The following MYO6 variants were observed in gnomAD, a reference collection of about 807,000 sequenced individuals.
MYO6 encodes the protein myosin VI.
Under a neutral mutation model 178.7 loss-of-function variants are expected in MYO6, and 74 were observed. The observed-to-expected ratio is 0.41, with a 90% CI of 0.34 to 0.50. The LOEUF (loss-of-function observed/expected upper bound fraction) is 0.50. Ranked by LOEUF, MYO6 falls within the 20% of genes least tolerant of loss-of-function variation. The probability of loss-of-function intolerance (pLI) is 0.09; values close to 1 mark genes in which losing one functional copy is unlikely to be tolerated. For missense variants in MYO6, 1,330 were observed against 1,547.4 expected (o/e 0.86, Z 2.36); for synonymous variants, 477 against 504.6 (o/e 0.95, Z 0.73).
At chr6:75,761,567 A>T (rs1002804002) in intron 1 of MYO6, among the ~76,000 whole-genome samples, 14 of 150,848 alleles carry the variant, frequency 9.3e-5, no homozygotes, top group African/African-American at 3.4e-4. Flanking sequence ...TACTGATGCT[A>T]GTATGTTAGA....
At chr6:75,801,610 G>A (rs1191023026) in intron 1 of MYO6, among the ~76,000 whole-genome samples, 2 of 152,076 alleles carry the variant, frequency 1.3e-5, no homozygotes, top group Non-Finnish European at 2.9e-5. Flanking sequence ...GTTGTGGAGT[G>A]GAGTTGAAAG....
In MYO6 at chr6:75,869,143, G is replaced by A. The variant is rs187599966; in HGVS notation, c.1945-1504G>A. Reference sequence around the variant, plus strand: ...GTGGATGAAGGAGTCTGGACTTTGCGACAGTTATTTTCTTTCCAAATTAGT... The same window carrying A: ...GTGGATGAAGGAGTCTGGACTTTGCAACAGTTATTTTCTTTCCAAATTAGT... On this transcript the variant is annotated intron_variant, in intron 18 of 34. Transcript: ENST00000369977. Among the ~76,000 whole-genome samples, 280 of 136,388 alleles carry A rather than the reference G, an allele frequency of 2.1e-3. 1 individual carries two copies. The highest frequency in any genetic ancestry group is 3.3e-3 in the Non-Finnish European group (216 of 65,508). 89.5% of individuals were successfully genotyped at this position (136,388 alleles called of 152,430 possible).
chr6:75,813,234 C>A (rs1298149829), intron 1 of MYO6, among the ~76,000 whole-genome samples: 4 of 152,274 alleles, frequency 2.6e-5, no homozygotes, highest in Non-Finnish European at 5.9e-5. Context: ...TGAGCTGGCA[C>A]CCAAGCCACA....
intron 1 of MYO6, among the ~76,000 whole-genome samples, chr6:75,799,414 A>C (rs1407435618): frequency 4.0e-5 from 6 of 151,622 alleles, no homozygotes; most frequent in South Asian, 4.2e-4. Flanking sequence ...AAAGTATTTT[A>C]CTTTGGTCCT....
chr6:75,787,676 TTCTCTCTCTCTCTCTCTC>T (rs765565236), intron 1 of MYO6, among the ~76,000 whole-genome samples: 418 of 24,950 alleles, frequency 0.017, 12 homozygotes, highest in African/African-American at 0.027. Flanking sequence ...AATGGAACTA[TTCTCTCTCTCTCTCTCTC>T]TCTCTCTCTC....
intron 1 of MYO6, among the ~76,000 whole-genome samples, chr6:75,801,964 A>G (rs537863890): frequency 5.6e-4 from 85 of 152,212 alleles, no homozygotes; most frequent in African/African-American, 2.0e-3. Context: ...TGTGATTCTC[A>G]TCTTATAGAA....
intron 1 of MYO6, among the ~76,000 whole-genome samples, chr6:75,809,589 T>G (rs1241124342): frequency 6.6e-6 from 1 of 151,922 alleles, no homozygotes; most frequent in Non-Finnish European, 1.5e-5. Context: ...ACATAATACG[T>G]GGAAGGTATA....
chr6:75,815,772 C>T (rs1244377227), intron 1 of MYO6, among the ~76,000 whole-genome samples: 1 of 152,202 alleles, frequency 6.6e-6, no homozygotes, highest in Non-Finnish European at 1.5e-5. Flanking sequence ...CATGAAACTA[C>T]ACCTGAGAGC....
intron 4 of MYO6, among the ~76,000 whole-genome samples, chr6:75,829,882 G>A (rs1357658634): frequency 6.6e-6 from 1 of 152,182 alleles, no homozygotes; most frequent in Non-Finnish European, 1.5e-5. Context: ...TCACTACAGA[G>A]CTAAATCAAT....
intron 1 of MYO6, among the ~76,000 whole-genome samples, chr6:75,804,891 C>CAT (rs58980898): frequency 2.7e-5 from 4 of 147,184 alleles, no homozygotes; most frequent in South Asian, 2.1e-4. Context: ...CACACACACA[C>CAT]ATATATATAC....
intron 11 of MYO6, among the ~76,000 whole-genome samples, chr6:75,854,481 T>C (rs1183457726): frequency 6.6e-6 from 1 of 152,014 alleles, no homozygotes; most frequent in South Asian, 2.1e-4. Context: ...AGTGTGTATA[T>C]GAAACATAAA....
chr6:75,914,286 G>A lies in MYO6; in HGVS notation c.3658+5G>A. ...CACCCATCCTACTTGTGGCTGGTGTGTATGATTCACATGGAAAACAAATTA... is the reference window on the plus strand; with the variant it reads ...CACCCATCCTACTTGTGGCTGGTGTATATGATTCACATGGAAAACAAATTA... On this transcript the variant is annotated splice_donor_5th_base_variant and intron_variant, in intron 34 of 34. Transcript: ENST00000369977. 6.2e-7 allele frequency: 1 copy of A among 1,613,894 alleles called. No homozygotes were observed. Among genetic ancestry groups the A allele is most frequent in the South Asian group, 1.1e-5 (1 of 91,086 alleles).
chr6:75,765,328 T>C (rs1331471311), intron 1 of MYO6, among the ~76,000 whole-genome samples: 1 of 151,206 alleles, frequency 6.6e-6, no homozygotes, highest in Non-Finnish European at 1.5e-5. Flanking sequence ...AGGTGCACAC[T>C]ACCACGCCTG....
chr6:75,843,309 T>C (rs1184656328), intron 9 of MYO6, among the ~76,000 whole-genome samples: 1 of 152,266 alleles, frequency 6.6e-6, no homozygotes, highest in Non-Finnish European at 1.5e-5. Context: ...GATGTATACC[T>C]GTCTGTAAAC....
At chr6:75,893,223 T>G (rs191520703) in intron 28 of MYO6, among the ~76,000 whole-genome samples, 6 of 152,254 alleles carry the variant, frequency 3.9e-5, no homozygotes, top group Admixed American at 1.3e-4. Flanking sequence ...TTTTGGCTTC[T>G]TGGGTTTCTG....
intron 3 of MYO6, among the ~76,000 whole-genome samples, chr6:75,825,896 A>G (rs1423655989): frequency 6.6e-6 from 1 of 152,134 alleles, no homozygotes; most frequent in Non-Finnish European, 1.5e-5. Flanking sequence ...TAAAGAAACT[A>G]ATTGTTTATT....
intron 1 of MYO6, among the ~76,000 whole-genome samples, chr6:75,774,329 TTTA>T (rs1294344755): frequency 7.2e-5 from 11 of 152,162 alleles, no homozygotes; most frequent in African/African-American, 2.7e-4. Flanking sequence ...ATTAATGATT[TTTA>T]TTAATTATAG....
intron 1 of MYO6, among the ~76,000 whole-genome samples, chr6:75,773,748 G>T (rs1303432557): frequency 6.6e-6 from 1 of 152,216 alleles, no homozygotes; most frequent in East Asian, 1.9e-4. Flanking sequence ...ATGTGAGAAA[G>T]AGCAGTGTAA....
At chr6:75,813,990 C>T (rs1225822792) in intron 1 of MYO6, among the ~76,000 whole-genome samples, 1 of 152,128 alleles carries the variant, frequency 6.6e-6, no homozygotes, top group Non-Finnish European at 1.5e-5. Context: ...CTGTGAGTTG[C>T]ACTCCTGGCC....
Sources: allele counts gnomAD v4.1 joint callset (sites outside exome capture counted in the v4.1 genomes callset), GRCh38; gene constraint gnomAD v4.1.1; transcripts MANE v1.5; gene names NCBI Gene and HGNC (gene_info 2026-07-23, HGNC 2026-07-21).